The following HYDIN variants were observed in gnomAD, a reference collection of about 807,000 sequenced individuals.
The protein encoded by HYDIN is axonemal central pair apparatus protein HYDIN.
HYDIN carries 132 observed loss-of-function variants against 403.9 expected under a neutral mutation model. The observed-to-expected ratio is 0.33, with a 90% CI of 0.28 to 0.38. The LOEUF is 0.38. Among genes scored for constraint, HYDIN ranks in the 10% least tolerant of loss-of-function variants. The pLI, the probability that HYDIN is intolerant of heterozygous loss-of-function variation, is 1.00. For missense variants in HYDIN, 2,827 were observed against 5,009.5 expected, an observed-to-expected ratio of 0.56 and a Z score of 13.15; for synonymous variants, 1,202 against 1,891.7, an observed-to-expected ratio of 0.64 and a Z score of 9.46.
intron 41 of HYDIN, 26 bp from the exon 42 acceptor site, chr16:70,943,975 G>A: frequency 6.5e-7 from 1 of 1,548,308 alleles, no homozygotes; most frequent in Non-Finnish European, 8.8e-7. Flanking sequence ...AGGATCAGGA[G>A]TCAGAATCTG....
chr16:71,094,805 G>A (rs1202532465), intron 10 of HYDIN, among the ~76,000 whole-genome samples: 1 of 152,190 alleles, frequency 6.6e-6, no homozygotes, highest in African/African-American at 2.4e-5. Flanking sequence ...TCTCTCCCAA[G>A]TCCCTGGCTG....
At chr16:70,991,815 G>A (rs2079362080) in intron 24 of HYDIN, among the ~76,000 whole-genome samples, 1 of 151,730 alleles carries the variant, frequency 6.6e-6, no homozygotes, top group South Asian at 2.1e-4. Context: ...TGCTACCCTG[G>A]ACCCAATCCT....
chr16:70,810,101 G>A (rs898547396), intron 84 of HYDIN, 94 bp from the exon 85 acceptor site: 22 of 1,147,468 alleles, frequency 1.9e-5, no homozygotes, highest in Middle Eastern at 5.6e-4. Context: ...CAGGTTGGGG[G>A]CAGAAATAGT....
intron 6 of HYDIN, among the ~76,000 whole-genome samples, chr16:71,161,353 C>G (rs2144601718): frequency 6.6e-6 from 1 of 152,334 alleles, no homozygotes; most frequent in African/African-American, 2.4e-5. Flanking sequence ...GTCCACCACT[C>G]ACCTCCTGCT....
intron 1 of HYDIN, among the ~76,000 whole-genome samples, chr16:71,189,779 A>AC (rs907473465): frequency 4.0e-5 from 6 of 151,764 alleles, no homozygotes; most frequent in East Asian, 3.9e-4. Context: ...AAAAAAAAAA[A>AC]AAACAAACAA....
At chr16:71,053,867 AT>A (rs11440434) in intron 18 of HYDIN, among the ~76,000 whole-genome samples, 1 of 151,678 alleles carries the variant, frequency 6.6e-6, no homozygotes, top group Non-Finnish European at 1.5e-5. Flanking sequence ...ATATCTCTTG[AT>A]TTTTTTCTGT....
At chr16:71,145,890 T>G (rs544362008) in intron 7 of HYDIN, among the ~76,000 whole-genome samples, 1 of 152,146 alleles carries the variant, frequency 6.6e-6, no homozygotes, top group East Asian at 1.9e-4. Flanking sequence ...AGTTTCTCTA[T>G]CTGTAAAATC....
At chr16:71,068,820 C>T (rs1442551654) in intron 14 of HYDIN, among the ~76,000 whole-genome samples, 1 of 152,206 alleles carries the variant, frequency 6.6e-6, no homozygotes, top group Non-Finnish European at 1.5e-5. Flanking sequence ...CCACATCCAC[C>T]ATGAATGAAG....
chr16:70,844,552 TTAAAG>T (rs1373464573), intron 75 of HYDIN, among the ~76,000 whole-genome samples: 27 of 138,362 alleles, frequency 2.0e-4, no homozygotes, highest in Non-Finnish European at 3.4e-4. Flanking sequence ...CATATGAACT[TTAAAG>T]TAGTTTTTTC....
chr16:71,184,465 G>A lies in HYDIN; in HGVS notation c.261+400C>T, dbSNP rs970847821. Among the ~76,000 whole-genome samples the A allele has an allele frequency of 7.2e-5, 11 of 152,178 alleles. No homozygotes were observed. In the South Asian group the frequency reaches 1.7e-3, roughly 23 times the overall value. On this transcript the variant is annotated intron_variant, in intron 3 of 85. Transcript: ENST00000393567. ...CTGGAAATGAGCCAGAATAGACAACGAATGCCTACTTTAATTAACAATTCC... is the reference window on the plus strand; with the variant it reads ...CTGGAAATGAGCCAGAATAGACAACAAATGCCTACTTTAATTAACAATTCC...
chr16:71,066,786 G>A (rs1262150964), intron 15 of HYDIN: 2 of 442,684 alleles, frequency 4.5e-6, no homozygotes, highest in African/African-American at 4.0e-5. Flanking sequence ...AGTATACCTT[G>A]TTAAAGATGA....
chr16:71,175,872 A>G, intron 4 of HYDIN, 131 bp from the exon 5 acceptor site: 1 of 827,322 alleles, frequency 1.2e-6, no homozygotes, highest in Non-Finnish European at 2.1e-6. Context: ...CTCAACTATA[A>G]AAGGAGATGA....
intron 8 of HYDIN, among the ~76,000 whole-genome samples, chr16:71,136,334 CA>C (rs1197393653): frequency 7.2e-6 from 1 of 139,542 alleles, no homozygotes; most frequent in African/African-American, 2.7e-5. Flanking sequence ...CTACTAAAAC[CA>C]AGAATATAAA....
intron 83 of HYDIN, among the ~76,000 whole-genome samples, chr16:70,821,261 C>T (rs1461576794): frequency 2.6e-5 from 4 of 152,240 alleles, no homozygotes; most frequent in African/African-American, 9.6e-5. Flanking sequence ...TTTTGCATTT[C>T]CCTAGGTATT....
intron 18 of HYDIN, among the ~76,000 whole-genome samples, chr16:71,059,410 T>G (rs928179240): frequency 1.3e-5 from 2 of 152,210 alleles, no homozygotes; most frequent in African/African-American, 4.8e-5. Flanking sequence ...TTTTCCCCAT[T>G]GCTTTTGTCA....
At chr16:70,916,247 C>T (rs1336513702) in intron 47 of HYDIN, among the ~76,000 whole-genome samples, 1 of 152,094 alleles carries the variant, frequency 6.6e-6, no homozygotes, top group Non-Finnish European at 1.5e-5. Flanking sequence ...TCTGGCTGTC[C>T]TCCTGAAAGA....
chr16:71,128,600 G>GT (rs987192436), intron 9 of HYDIN, among the ~76,000 whole-genome samples: 2 of 151,268 alleles, frequency 1.3e-5, no homozygotes, highest in African/African-American at 4.9e-5. Context: ...TTTGTTTTTT[G>GT]TTTTTTGTTT....
chr16:70,848,990 A>G (rs1200164728), intron 75 of HYDIN, among the ~76,000 whole-genome samples: 7 of 151,688 alleles, frequency 4.6e-5, no homozygotes, highest in Non-Finnish European at 8.8e-5. Flanking sequence ...ATTGTTTTTG[A>G]GCAAGCCTGG....
intron 45 of HYDIN, among the ~76,000 whole-genome samples, chr16:70,923,038 G>C (rs2077043679): frequency 6.6e-6 from 1 of 151,988 alleles, no homozygotes; most frequent in Non-Finnish European, 1.5e-5. Flanking sequence ...AAAGTGTTGG[G>C]ATTACAGGCA....
Sources: gnomAD v4.1 joint callset for allele counts (sites outside exome capture counted in the v4.1 genomes callset) on GRCh38, gnomAD v4.1.1 for gene constraint, MANE v1.5 for transcripts, NCBI Gene and HGNC (gene_info 2026-07-23, HGNC 2026-07-21) for gene names.